Variants in TBX2 observed in about 807,000 individuals in gnomAD.
The protein encoded by TBX2 is T-box transcription factor TBX2.
A neutral mutation model predicts 48.4 loss-of-function variants in TBX2; 19 were observed. The ratio of observed to expected loss-of-function variants is 0.39; its 90% CI spans 0.27 to 0.58. TBX2 has a LOEUF of 0.58. Ranked by LOEUF, TBX2 falls within the 20% of genes least tolerant of loss-of-function variation. The probability of loss-of-function intolerance (pLI) is 0.54; values close to 1 mark genes in which losing one functional copy is unlikely to be tolerated. For synonymous variants in TBX2, 522 were observed against 459.7 expected (o/e 1.14, Z -1.73); for missense variants, 994 against 1,006.5 (o/e 0.99, Z 0.17).
Position 61,400,161 on chromosome 17 carries a change from T to C in TBX2, c.-16T>C. ...GCCCCGGCCCCGGCCCCCGGGCGCC[T>C]GGGCCGGATGTCCCGATGAGAGAGC... On this transcript the variant is annotated 5_prime_UTR_variant, in exon 1 of 7. Transcript: ENST00000240328. The surrounding 1 kb of genome is among the most constrained non-coding windows in gnomAD (Gnocchi z 9.2). 2 of 1,031,842 alleles carry C rather than the reference T, an allele frequency of 1.9e-6. No homozygotes were observed. The highest frequency in any genetic ancestry group is 1.2e-6 in the Non-Finnish European group (1 of 856,558). The allele number at this position is 1,031,842 out of a possible 1,614,324, so 63.9% of individuals were successfully genotyped here.
intron 6 of TBX2, 86 bp from the exon 7 acceptor site, chr17:61,407,968 A>G (rs111647870): frequency 2.1e-6 from 3 of 1,450,944 alleles, no homozygotes; most frequent in African/African-American, 2.8e-5. Flanking sequence ...ACAGAAGGGC[A>G]CGGTGTCCAG....
rs754066715 is a variant in TBX2 at position 61,403,042 on chromosome 17, AC to A, written c.664-14del. On this transcript the variant is annotated intron_variant, in intron 2 of 6. Transcript: ENST00000240328. This position sits in a 1 kb window ranked among gnomAD's most constrained non-coding sequence, Gnocchi z 5.8. ...GGCCGGGGCTGGTGGCTGCCGGCTGACCCCCACCCTCCCCGCAGACCATCCT... is the reference window on the plus strand; with the variant it reads ...GGCCGGGGCTGGTGGCTGCCGGCTGACCCCACCCTCCCCGCAGACCATCCT... The A allele has an allele frequency of 6.3e-7, 1 of 1,593,260 alleles. No homozygotes were observed. The highest frequency in any genetic ancestry group is 1.1e-5 in the South Asian group (1 of 89,402).
chr17:61,406,466 C>G lies in TBX2; in HGVS notation c.1686+630C>G, dbSNP rs1050753940. Reference sequence around the variant, plus strand: ...AGGGATGAGAACTCAGCTCTTCAGGCCCCATTGAAATTCCAAGCTCCCAGG... The same window carrying G: ...AGGGATGAGAACTCAGCTCTTCAGGGCCCATTGAAATTCCAAGCTCCCAGG... On this transcript the variant is annotated intron_variant, in intron 6 of 6. Coordinates refer to ENST00000240328, the MANE Select transcript of TBX2 (RefSeq NM_005994.4). This position sits in a 1 kb window ranked among gnomAD's most constrained non-coding sequence, Gnocchi z 5.7. 7.9e-5 allele frequency: 12 copies of G among 152,264 alleles called. No individual in the cohort carries two copies. The highest frequency in any genetic ancestry group is 2.9e-4 in the African/African-American group (12 of 41,532). The allele number at this position is 152,264 out of a possible 1,614,324, so 9.4% of individuals were successfully genotyped here.
chr17:61,404,343 C>G (rs754000293), intron 3 of TBX2, 78 bp from the exon 4 acceptor site: 8 of 1,488,098 alleles, frequency 5.4e-6, no homozygotes, highest in African/African-American at 2.8e-5. Flanking sequence ...GCGGCCAGCA[C>G]CCGCTGACCT....
Position 61,408,281 on chromosome 17 carries a change from C to T in TBX2, c.1914C>T (p.Thr638=). The change falls in exon 7 of 7, where the codon ACC becomes ACT. Residue 638 remains threonine (T), a synonymous_variant. Coordinates refer to ENST00000240328, the MANE Select transcript of TBX2 (RefSeq NM_005994.4). The stretch of plus-strand genomic sequence containing the variant: ...TCCCGCCTAGCACTAGCCTCCTCAC[C>T]ACCGGGCTGGCCTCTGAGGGCTCCA... ...VTIPPSTSLL[T]TGLASEGSKA... is the part of the protein sequence containing the mutation. 6.2e-7 allele frequency: 1 copy of T among 1,612,720 alleles called. No homozygotes were observed. The highest frequency in any genetic ancestry group is 8.5e-7 in the Non-Finnish European group (1 of 1,179,914).
rs759002822 is a variant in TBX2, at chr17:61,401,946, G to A, written c.658G>A (p.Gly220Ser). 11 of 1,595,390 alleles carry A rather than the reference G, an allele frequency of 6.9e-6. No individual in the cohort carries two copies. The highest frequency in any genetic ancestry group is 2.2e-5 in the East Asian group (1 of 44,664). The stretch of plus-strand genomic sequence containing the variant: ...GACCAACAACATCTCTGACAAGCAC[G>A]GCTTCGTGAGTGTTGGGGCAGGGTG... ...KLTNNISDKHGFTILNSMHKY... is the reference protein window; with the variant it reads ...KLTNNISDKHSFTILNSMHKY... The change falls in exon 2 of 7, where the codon GGC (glycine) becomes AGC (serine). Residue 220 changes from glycine to serine, a missense_variant. Around this residue, in one of 5 missense-constraint regions of TBX2, gnomAD observed 153 missense variants for 166.2 expected, o/e 0.92. Coordinates refer to ENST00000240328, the MANE Select transcript of TBX2 (RefSeq NM_005994.4).
In TBX2 at chr17:61,408,312, G is replaced by A. The variant is rs377687643; in HGVS notation, c.1945G>A (p.Ala649Thr). 26 of 1,611,304 alleles carry A rather than the reference G, an allele frequency of 1.6e-5. No individual in the cohort carries two copies. The highest frequency in any genetic ancestry group is 1.6e-4 in the Middle Eastern group (1 of 6,078). The change falls in exon 7 of 7, where the codon GCT (alanine) becomes ACT (threonine). Residue 649 changes from alanine (A) to threonine (T), a missense_variant. Coordinates refer to ENST00000240328, the MANE Select transcript of TBX2 (RefSeq NM_005994.4). ...GCTGGCCTCTGAGGGCTCCAAGGCC[G>A]CTGGTGGAAACAGCCGGGAGCCTAG... Reference protein sequence around the residue: ...TGLASEGSKAAGGNSREPSPL... With the variant: ...TGLASEGSKATGGNSREPSPL...
intron 1 of TBX2, among the ~76,000 whole-genome samples, chr17:61,401,265 C>T (rs1453688111): frequency 1.3e-5 from 2 of 152,042 alleles, no homozygotes; most frequent in African/African-American, 4.8e-5. Flanking sequence ...GCCCAGTTCC[C>T]AATACAAACA....
Position 61,408,462 on chromosome 17 carries a change from GA to G in TBX2, c.2096del (p.Glu699GlyfsTer163). The G allele has an allele frequency of 6.8e-7, 1 of 1,463,396 alleles. No individual in the cohort carries two copies. The allele number at this position is 1,463,396 out of a possible 1,614,324, so 90.7% of individuals were successfully genotyped here. A position where few individuals can be genotyped will look rare whatever the true frequency, so the allele number is the denominator to read the frequency against. On this transcript the variant is annotated frameshift_variant, in exon 7 of 7. Transcript: ENST00000240328. LOFTEE classifies it high-confidence loss of function. ...QSIQRLVSGL[E>X]SQRALSPGRE... ...CATCCAGAGACTGGTGAGTGGGCTG[GA>G]GAGCCAGCGAGCCCTCTCCCCAGGC...
intron 5 of TBX2, 35 bp downstream of exon 5, chr17:61,404,804 GCGGC>G (rs749256641): frequency 3.3e-5 from 50 of 1,534,302 alleles, no homozygotes; most frequent in African/African-American, 8.2e-5. Flanking sequence ...CAGGGAGGTG[GCGGC>G]GGGGGGTCCT....
chr17:61,408,034 T>C lies in TBX2; in HGVS notation c.1687-20T>C, dbSNP rs534798951. ...CTTCAGGCAAGATGTCTAACCCTCG[T>C]CTTGTTCTGTTTCTTCCAGGGAATT... On this transcript the variant is annotated intron_variant, in intron 6 of 6. Coordinates refer to ENST00000240328, the MANE Select transcript of TBX2 (RefSeq NM_005994.4). The C allele has an allele frequency of 2.4e-5, 37 of 1,555,354 alleles. No homozygotes were observed. The African/African-American group carries it at 4.2e-4, about 18-fold the overall frequency.
rs2060299975 is a variant in TBX2 at position 61,409,232 on chromosome 17, T to G, written c.*726T>G. The G allele has an allele frequency of 6.6e-6, 1 of 152,520 alleles. No individual in the cohort carries two copies. Among genetic ancestry groups the G allele is most frequent in the Non-Finnish European group, 1.5e-5 (1 of 68,028 alleles). The allele number at this position is 152,520 out of a possible 1,614,324, so 9.4% of individuals were successfully genotyped here. A position where few individuals can be genotyped will look rare whatever the true frequency, so the allele number is the denominator to read the frequency against. On this transcript the variant is annotated 3_prime_UTR_variant, in exon 7 of 7. Coordinates refer to ENST00000240328, the MANE Select transcript of TBX2 (RefSeq NM_005994.4). ...CTCATACATTTAAAGTTTTTTTCAT[T>G]TTACGTGAGCATCTATATTGTACAG...
Position 61,405,171 on chromosome 17 carries a change from C to T in TBX2, c.1052-31C>T, listed in dbSNP as rs994213715. On this transcript the variant is annotated intron_variant, in intron 5 of 6. Coordinates refer to ENST00000240328, the MANE Select transcript of TBX2 (RefSeq NM_005994.4). ...TCCTGCTCGTCGGCCTCCGCCCAGG[C>T]CCCTGTAATCCGCGCGCCCTCTCCC... The T allele has an allele frequency of 2.7e-6, 4 of 1,470,318 alleles. No individual in the cohort carries two copies. In the African/African-American group the frequency reaches 4.2e-5, roughly 16 times the overall value. The allele number at this position is 1,470,318 out of a possible 1,614,324, so 91.1% of individuals were successfully genotyped here.
chr17:61,401,852 C>G lies in TBX2; in HGVS notation c.564C>G (p.Ile188Met). 1 of 1,613,074 alleles carries G rather than the reference C, an allele frequency of 6.2e-7. No homozygotes were observed. The highest frequency in any genetic ancestry group is 8.5e-7 in the Non-Finnish European group (1 of 1,180,024). ...ADPEMPKRMYIHPDSPATGEQ... is the reference protein window; with the variant it reads ...ADPEMPKRMYMHPDSPATGEQ... ...CTGAGATGCCCAAACGCATGTACAT[C>G]CACCCAGACAGCCCAGCCACGGGGG... Residue 188 changes from isoleucine (I) to methionine (M), a missense_variant, in exon 2 of 7, where the codon ATC (isoleucine) becomes ATG (methionine). Coordinates refer to ENST00000240328, the MANE Select transcript of TBX2 (RefSeq NM_005994.4).
Position 61,408,199 on chromosome 17 carries a change from T to A in TBX2, c.1832T>A (p.Phe611Tyr). The change falls in exon 7 of 7, where the codon TTC becomes TAC. Residue 611 changes from phenylalanine (F) to tyrosine (Y), a missense_variant. By Grantham distance (22) the Phe-to-Tyr change is conservative. Coordinates refer to ENST00000240328, the MANE Select transcript of TBX2 (RefSeq NM_005994.4). ...AAAGSLSRSP[F>Y]LGSARPRLRF... ...GCCGGCTCCCTCTCCCGGAGCCCCTTCCTGGGCAGTGCCCGGCCCCGACTG... is the reference window on the plus strand; with the variant it reads ...GCCGGCTCCCTCTCCCGGAGCCCCTACCTGGGCAGTGCCCGGCCCCGACTG... 1 of 1,612,846 alleles carries A rather than the reference T, an allele frequency of 6.2e-7. No individual in the cohort carries two copies. Among genetic ancestry groups the A allele is most frequent in the Non-Finnish European group, 8.5e-7 (1 of 1,179,864 alleles).
rs1164112272 is a variant in TBX2 at position 61,406,136 on chromosome 17, C to T, written c.1686+300C>T. The T allele has an allele frequency of 1.2e-5, 4 of 320,532 alleles. No homozygotes were observed. Among genetic ancestry groups the T allele is most frequent in the Non-Finnish European group, 2.3e-5 (4 of 176,708 alleles). 19.9% of individuals were successfully genotyped at this position (320,532 alleles called of 1,614,324 possible). ...TATAGCCCCAGCGAGGAGTGCGGTG[C>T]CCATCGAGACTCTTCTCACCCTCAC... is the stretch of plus-strand genomic sequence containing the variant. On this transcript the variant is annotated intron_variant, in intron 6 of 6. Coordinates refer to ENST00000240328, the MANE Select transcript of TBX2 (RefSeq NM_005994.4). The surrounding 1 kb of genome is among the most constrained non-coding windows in gnomAD (Gnocchi z 5.7).
chr17:61,401,704 A>G lies in TBX2; in HGVS notation c.416A>G (p.Lys139Arg), dbSNP rs772288115. ...CCCAGGCGGATGTTCCCCCCCTTCAAGGTGCGAGTCAGCGGCCTGGACAAG... is the reference window on the plus strand; with the variant it reads ...CCCAGGCGGATGTTCCCCCCCTTCAGGGTGCGAGTCAGCGGCCTGGACAAG... Reference protein sequence around the residue: ...KSGRRMFPPFKVRVSGLDKKA... With the variant: ...KSGRRMFPPFRVRVSGLDKKA... The change falls in exon 2 of 7, where the codon AAG becomes AGG. Residue 139 changes from lysine to arginine, a missense_variant. This residue lies in a region of TBX2 where 153 missense variants were observed against 166.2 expected (regional missense o/e 0.92). Coordinates refer to ENST00000240328, the MANE Select transcript of TBX2 (RefSeq NM_005994.4). 3.2e-5 allele frequency: 52 copies of G among 1,612,394 alleles called. No individual in the cohort carries two copies. In the Admixed American group the frequency reaches 3.5e-4, roughly 11 times the overall value.
chr17:61,400,356 G>A lies in TBX2; in HGVS notation c.180G>A (p.Ala60=). 2 of 1,018,142 alleles carry A rather than the reference G, an allele frequency of 2.0e-6. No homozygotes were observed. The highest frequency in any genetic ancestry group is 4.7e-4 in the Middle Eastern group (1 of 2,118). 63.1% of individuals were successfully genotyped at this position (1,018,142 alleles called of 1,614,324 possible). Residue 60 remains alanine, a synonymous_variant, in exon 1 of 7, where the codon GCG becomes GCA. Transcript: ENST00000240328. This position sits in a 1 kb window ranked among gnomAD's most constrained non-coding sequence, Gnocchi z 9.2. The part of the protein sequence containing the change: ...KPLPDPGLAG[A]AAAAAAAAAA... ...TGCCCGACCCGGGCCTGGCGGGGGC[G>A]GCGGCCGCGGCGGCGGCGGCGGCAG...
chr17:61,405,733 C>A lies in TBX2; in HGVS notation c.1583C>A (p.Thr528Asn). The stretch of plus-strand genomic sequence containing the variant: ...AACGGCGGAGGTGGCGGGCCTGGGA[C>A]CGCCGCGGGGCTGGACGCAGGCGGG... ...GGNGGGGGPG[T>N]AAGLDAGGLG... is the part of the protein sequence containing the mutation. Residue 528 changes from threonine (T) to asparagine (N), a missense_variant, in exon 6 of 7, where the codon ACC (threonine) becomes AAC (asparagine). Physicochemically the swap from Thr to Asn is moderately conservative, Grantham distance 65 (BLOSUM62 0). Transcript: ENST00000240328. The A allele has an allele frequency of 5.1e-6, 7 of 1,367,994 alleles. No homozygotes were observed. Among genetic ancestry groups the A allele is most frequent in the Non-Finnish European group, 6.6e-6 (7 of 1,066,616 alleles). The allele number at this position is 1,367,994 out of a possible 1,614,324, so 84.7% of individuals were successfully genotyped here. A position where few individuals can be genotyped will look rare whatever the true frequency, so the allele number is the denominator to read the frequency against.
Sources: gnomAD v4.1 joint callset for allele counts (sites outside exome capture counted in the v4.1 genomes callset) on GRCh38, gnomAD v4.1.1 for gene constraint, gnomAD v4.1.1 regional missense constraint, Gnocchi (gnomAD v3.1) non-coding constraint, MANE v1.5 for transcripts, NCBI Gene and HGNC (gene_info 2026-07-23, HGNC 2026-07-21) for gene names.